The following KANK4 variants were observed in gnomAD, a reference collection of about 807,000 sequenced individuals.
KANK4 encodes KN motif and ankyrin repeat domain-containing protein 4.
In KANK4, 50 loss-of-function variants were observed where a neutral mutation model predicts 80.8. The ratio of observed to expected loss-of-function variants is 0.62; its 90% CI spans 0.49 to 0.78. The LOEUF is 0.78. Among genes scored for constraint, KANK4 ranks in the 30% least tolerant of loss-of-function variants. KANK4 has a pLI of 0.00. For synonymous variants in KANK4, 465 were observed against 506.9 expected (o/e 0.92, Z 1.11); for missense variants, 1,196 against 1,240.1 (o/e 0.96, Z 0.53).
At chr1:62,273,156 A>G (rs780168084) in intron 3 of KANK4, 48 bp downstream of exon 3, 2 of 1,296,106 alleles carry the variant, frequency 1.5e-6, no homozygotes, top group Admixed American at 4.9e-5. Flanking sequence ...TTATCATGTG[A>G]AGGAGAAATG....
At chr1:62,265,897 C>G (rs1200447654) in intron 6 of KANK4, among the ~76,000 whole-genome samples, 3 of 152,224 alleles carry the variant, frequency 2.0e-5, no homozygotes, top group African/African-American at 7.2e-5. Context: ...GTAATGACTA[C>G]AGAATTAAAC....
At chr1:62,263,067 C>G (rs752122013) in intron 7 of KANK4, 25 bp downstream of exon 7, 14 of 1,562,792 alleles carry the variant, frequency 9.0e-6, no homozygotes, top group Non-Finnish European at 1.1e-5. Flanking sequence ...GGGACCCAGA[C>G]TGTATGAATG....
chr1:62,308,402 C>T (rs902015948), intron 1 of KANK4, among the ~76,000 whole-genome samples: 1 of 152,068 alleles, frequency 6.6e-6, no homozygotes, highest in African/African-American at 2.4e-5. Flanking sequence ...CTGTAGAGAG[C>T]CCTGAAGTGA....
chr1:62,249,218 T>C (rs906357408), intron 8 of KANK4, among the ~76,000 whole-genome samples: 7 of 151,620 alleles, frequency 4.6e-5, no homozygotes, highest in Non-Finnish European at 7.4e-5. Flanking sequence ...GCAGGGCTTT[T>C]GTGGGAATCA....
chr1:62,272,147 T>A (rs1379451338), intron 3 of KANK4: 5 of 152,660 alleles, frequency 3.3e-5, no homozygotes, highest in African/African-American at 1.2e-4. Flanking sequence ...GAGAAAGCAG[T>A]CAAATTGTGA....
intron 7 of KANK4, among the ~76,000 whole-genome samples, chr1:62,260,637 A>G (rs968601363): frequency 6.6e-6 from 1 of 152,062 alleles, no homozygotes; most frequent in African/African-American, 2.4e-5. Flanking sequence ...ACATGCCCCT[A>G]AAGCAGCTGT....
chr1:62,244,744 G>A (rs1303463475), intron 9 of KANK4, among the ~76,000 whole-genome samples: 1 of 152,140 alleles, frequency 6.6e-6, no homozygotes, highest in African/African-American at 2.4e-5. Flanking sequence ...GACTAATACA[G>A]GGGGTCTCAC....
chr1:62,269,296 C>T (rs1389319000), intron 4 of KANK4, among the ~76,000 whole-genome samples: 4 of 152,236 alleles, frequency 2.6e-5, no homozygotes, highest in African/African-American at 9.6e-5. Context: ...ATGGAGAATG[C>T]TGGTGGTAAG....
intron 1 of KANK4, among the ~76,000 whole-genome samples, chr1:62,299,945 C>T (rs951540758): frequency 3.3e-5 from 5 of 152,092 alleles, no homozygotes; most frequent in African/African-American, 7.2e-5. Flanking sequence ...GCGTTTTGGG[C>T]CCAGCCCCTC....
intron 5 of KANK4, 38 bp downstream of exon 5, chr1:62,268,249 A>T: frequency 6.5e-7 from 1 of 1,545,634 alleles, no homozygotes; most frequent in Non-Finnish European, 8.9e-7. Context: ...GACCTTTTTC[A>T]GAGGAACAAG....
chr1:62,246,935 A>G (rs1671479963), intron 9 of KANK4, among the ~76,000 whole-genome samples: 1 of 151,856 alleles, frequency 6.6e-6, no homozygotes, highest in Non-Finnish European at 1.5e-5. Context: ...TAATTTTTGT[A>G]TTTTTAGTAG....
intron 7 of KANK4, among the ~76,000 whole-genome samples, chr1:62,259,327 A>C (rs1204496201): frequency 1.3e-5 from 2 of 151,586 alleles, no homozygotes; most frequent in African/African-American, 4.9e-5. Flanking sequence ...CTCACACTGC[A>C]GTGCAGTGGT....
intron 1 of KANK4, among the ~76,000 whole-genome samples, chr1:62,307,111 G>C (rs881548): frequency 0.83 from 125,522 of 152,094 alleles, 52,482 homozygotes; most frequent in African/African-American, 0.95. Flanking sequence ...CCTTCACTTC[G>C]TCCAGGTTCC....
chr1:62,281,720 T>C (rs1179141066), intron 1 of KANK4, 86 bp from the exon 2 acceptor site: 1 of 857,310 alleles, frequency 1.2e-6, no homozygotes, highest in African/African-American at 1.6e-5. Context: ...CAAAGTAACA[T>C]CCATCCCTGC....
At chr1:62,291,288 G>C (rs1459294215) in intron 1 of KANK4, among the ~76,000 whole-genome samples, 1 of 152,000 alleles carries the variant, frequency 6.6e-6, no homozygotes, top group Non-Finnish European at 1.5e-5. Flanking sequence ...TTGTTTGTTC[G>C]TTGTTGCTGT....
chr1:62,274,802 A>G lies in KANK4; in HGVS notation c.302T>C (p.Leu101Pro). 6.2e-7 allele frequency: 1 copy of G among 1,614,024 alleles called. No homozygotes were observed. The highest frequency in any genetic ancestry group is 1.3e-5 in the African/African-American group (1 of 74,976). Reference sequence around the variant, plus strand: ...TGACTGGTTTTGCTCCTGTGTCCCAAGTGATGCCTCCCTTGGCACCACGGG... The same window carrying G: ...TGACTGGTTTTGCTCCTGTGTCCCAGGTGATGCCTCCCTTGGCACCACGGG... ...WSPVVPREAS[L>P]GTQEQNQSPP... The change falls in exon 3 of 10, where the codon CTT becomes CCT. Residue 101 changes from leucine (L) to proline (P), a missense_variant. Transcript: ENST00000371153.
chr1:62,289,783 C>T (rs1672643554), intron 1 of KANK4, among the ~76,000 whole-genome samples: 1 of 152,132 alleles, frequency 6.6e-6, no homozygotes, highest in South Asian at 2.1e-4. Flanking sequence ...CACCTGGCTA[C>T]AGCAATTTTC....
At chr1:62,315,191 C>G (rs933724601) in intron 1 of KANK4, among the ~76,000 whole-genome samples, 12 of 152,290 alleles carry the variant, frequency 7.9e-5, no homozygotes, top group African/African-American at 2.9e-4. Flanking sequence ...GTAAATCACA[C>G]AGCTGCTTGG....
At position 62,266,509 on chromosome 1, in the gene KANK4, A is replaced by G. The variant is rs539941655; in HGVS notation, c.2319+223T>C. 1.8e-3 allele frequency among the ~76,000 whole-genome samples: 263 copies of G among 148,570 alleles called. 2 individuals are homozygous for G. Among genetic ancestry groups the G allele is most frequent in the Admixed American group, 3.1e-3 (46 of 14,898 alleles). ...CCACTGCCTCACACACACACCACTC[A>G]CACCACTGCACACTCACACCACTGC... On this transcript the variant is annotated intron_variant, in intron 6 of 9. Transcript: ENST00000371153.
Sources: gnomAD v4.1 joint callset for allele counts (sites outside exome capture counted in the v4.1 genomes callset) on GRCh38, gnomAD v4.1.1 for gene constraint, MANE v1.5 for transcripts, NCBI Gene and HGNC (gene_info 2026-07-23, HGNC 2026-07-21) for gene names.